The following GRM5 variants were observed in gnomAD, a reference collection of about 807,000 sequenced individuals.
GRM5 encodes glutamate metabotropic receptor 5.
In GRM5, 19 loss-of-function variants were observed where a neutral mutation model predicts 83.1. That is an observed-to-expected ratio of 0.23 (90% confidence interval 0.16 to 0.34). GRM5 has a LOEUF of 0.34. Among genes scored for constraint, GRM5 ranks in the 10% least tolerant of loss-of-function variants. The probability of loss-of-function intolerance (pLI) is 1.00; values close to 1 mark genes in which losing one functional copy is unlikely to be tolerated. For synonymous variants in GRM5, 675 were observed against 633.6 expected (o/e 1.07, Z -0.98); for missense variants, 1,160 against 1,588.3 (o/e 0.73, Z 4.58).
At position 88,505,142 on chromosome 11, in the gene GRM5, C is replaced by T. The variant is rs2135064115; in HGVS notation, c.*3450G>A. 6.6e-6 allele frequency: 1 copy of T among 152,302 alleles called. No homozygotes were observed. The highest frequency in any genetic ancestry group is 3.4e-3 in the Middle Eastern group (1 of 294). The allele number at this position is 152,302 out of a possible 1,614,324, so 9.4% of individuals were successfully genotyped here. On this transcript the variant is annotated 3_prime_UTR_variant, in exon 10 of 10. Coordinates refer to ENST00000305447, the MANE Select transcript of GRM5 (RefSeq NM_001143831.3). ...CCTCAGACCCTCTTCAAAGTGAATT[C>T]TGACTTGTCTTTATGCTTTCACTGA...
chr11:88,836,432 T>C (rs1049123327), intron 3 of GRM5, among the ~76,000 whole-genome samples: 1 of 152,196 alleles, frequency 6.6e-6, no homozygotes, highest in Non-Finnish European at 1.5e-5. Context: ...TGTGTGTATA[T>C]AAATCTGTGT....
intron 3 of GRM5, among the ~76,000 whole-genome samples, chr11:88,821,418 G>A (rs1156297771): frequency 6.7e-6 from 1 of 148,548 alleles, no homozygotes; most frequent in Admixed American, 6.7e-5. Flanking sequence ...AAGGGTCATA[G>A]TTCCAAAATA....
intron 2 of GRM5, among the ~76,000 whole-genome samples, chr11:88,951,589 G>A (rs547757859): frequency 7.2e-5 from 11 of 152,292 alleles, no homozygotes; most frequent in South Asian, 2.1e-4. Flanking sequence ...GCATAGTATG[G>A]TAGACACAGT....
At chr11:88,631,719 G>A (rs1938975081) in intron 4 of GRM5, among the ~76,000 whole-genome samples, 1 of 152,106 alleles carries the variant, frequency 6.6e-6, no homozygotes, top group South Asian at 2.1e-4. Flanking sequence ...TGAGAGACTG[G>A]GAGAGAATGA....
chr11:88,556,849 G>T (rs372541107), intron 8 of GRM5, among the ~76,000 whole-genome samples: 1 of 152,044 alleles, frequency 6.6e-6, no homozygotes, highest in African/African-American at 2.4e-5. Flanking sequence ...AGACACCGAC[G>T]GCTACCTTGT....
At chr11:88,671,317 G>A (rs1940187800) in intron 3 of GRM5, among the ~76,000 whole-genome samples, 3 of 151,992 alleles carry the variant, frequency 2.0e-5, no homozygotes, top group Admixed American at 2.0e-4. Context: ...CTTATAATAA[G>A]TTTGCTTACC....
intron 3 of GRM5, among the ~76,000 whole-genome samples, chr11:88,811,224 T>G (rs992986812): frequency 2.0e-5 from 3 of 152,096 alleles, no homozygotes; most frequent in Non-Finnish European, 2.9e-5. Context: ...GCTGGTGCCT[T>G]TGAGGACAAA....
rs563449410 is a variant in GRM5 at position 89,058,212 on chromosome 11, T to C, written c.-201+7564A>G. On this transcript the variant is annotated intron_variant, in intron 1 of 9. Transcript: ENST00000305447. ...TCAGAAAGCATACAAACAAATCAAG[T>C]AAATATAGGAAACTCTGTTTCCTAG... Among the ~76,000 whole-genome samples, 10 of 152,288 alleles carry C rather than the reference T, an allele frequency of 6.6e-5. No homozygotes were observed. In the East Asian group the frequency reaches 1.7e-3, roughly 26 times the overall value.
intron 3 of GRM5, among the ~76,000 whole-genome samples, chr11:88,792,227 T>C (rs1056920965): frequency 1.8e-4 from 28 of 152,088 alleles, no homozygotes; most frequent in African/African-American, 5.6e-4. Context: ...AAATATCTCA[T>C]AGATATTATT....
intron 2 of GRM5, among the ~76,000 whole-genome samples, chr11:88,854,521 A>G (rs752554941): frequency 3.3e-5 from 5 of 151,980 alleles, no homozygotes; most frequent in Non-Finnish European, 7.4e-5. Context: ...ATCAGCTGGG[A>G]TCTGGAAGTA....
chr11:88,530,663 T>C (rs569967927), intron 8 of GRM5, among the ~76,000 whole-genome samples: 248 of 152,218 alleles, frequency 1.6e-3, no homozygotes, highest in Non-Finnish European at 3.1e-3. Context: ...CTACTGAATA[T>C]TGGATTACTG....
chr11:89,025,359 G>T (rs1244258634), intron 2 of GRM5, among the ~76,000 whole-genome samples: 1 of 152,088 alleles, frequency 6.6e-6, no homozygotes, highest in East Asian at 1.9e-4. Flanking sequence ...ACATGGAAAG[G>T]TAAAGATAGG....
At chr11:88,547,109 T>C (rs564545223) in intron 8 of GRM5, among the ~76,000 whole-genome samples, 1 of 152,220 alleles carries the variant, frequency 6.6e-6, no homozygotes, top group Non-Finnish European at 1.5e-5. Flanking sequence ...AATGGGTAAA[T>C]TGAGGACCAG....
intron 3 of GRM5, among the ~76,000 whole-genome samples, chr11:88,693,234 T>C (rs890591684): frequency 2.0e-5 from 3 of 152,160 alleles, no homozygotes; most frequent in African/African-American, 4.8e-5. Flanking sequence ...GAAGCACTTA[T>C]AAATGGGTGA....
chr11:88,663,951 C>A (rs894824681), intron 3 of GRM5, among the ~76,000 whole-genome samples: 3 of 152,106 alleles, frequency 2.0e-5, no homozygotes, highest in African/African-American at 7.2e-5. Flanking sequence ...TATATCATAA[C>A]AGGTCACTAG....
At chr11:88,890,142 C>CACCCCT (rs1565279115) in intron 2 of GRM5, among the ~76,000 whole-genome samples, 2 of 152,156 alleles carry the variant, frequency 1.3e-5, no homozygotes, top group African/African-American at 2.4e-5. Context: ...TCCCCACCCC[C>CACCCCT]GACTGAGAGA....
intron 2 of GRM5, among the ~76,000 whole-genome samples, chr11:89,034,379 AT>A (rs552211460): frequency 6.6e-6 from 1 of 151,796 alleles, no homozygotes; most frequent in Admixed American, 6.6e-5. Context: ...ACACGACACA[AT>A]TTTTTTTACT....
intron 3 of GRM5, among the ~76,000 whole-genome samples, chr11:88,705,275 C>T (rs1290758400): frequency 6.6e-6 from 1 of 151,900 alleles, no homozygotes; most frequent in East Asian, 1.9e-4. Flanking sequence ...TCCCAGGGAC[C>T]CTTACTCAAT....
At chr11:88,618,113 C>G (rs1176373184) in intron 4 of GRM5, among the ~76,000 whole-genome samples, 2 of 152,180 alleles carry the variant, frequency 1.3e-5, no homozygotes, top group African/African-American at 4.8e-5. Flanking sequence ...TTTGATAGCA[C>G]TGCAAAGGCT....
Sources: allele counts gnomAD v4.1 joint callset (sites outside exome capture counted in the v4.1 genomes callset), GRCh38; gene constraint gnomAD v4.1.1; transcripts MANE v1.5; gene names NCBI Gene and HGNC (gene_info 2026-07-23, HGNC 2026-07-21).